USH2A: variants seen among roughly 807,000 people sequenced by gnomAD.
USH2A encodes the protein usherin, also known as Usher syndrome 2A (autosomal recessive, mild).
Under a neutral mutation model 538.9 loss-of-function variants are expected in USH2A, and 443 were observed. That is an observed-to-expected ratio of 0.82 (90% CI 0.76 to 0.89). USH2A has a LOEUF of 0.89. Ranked by LOEUF, USH2A falls within the 40% of genes least tolerant of loss-of-function variation. The probability of loss-of-function intolerance (pLI) is 0.00; values close to 1 mark genes in which losing one functional copy is unlikely to be tolerated. For missense variants in USH2A, 6,633 were observed against 6,324.8 expected (o/e 1.05, Z -1.65); for synonymous variants, 2,413 against 2,273.5 (o/e 1.06, Z -1.75).
chr1:215,675,017 A>G lies in USH2A; in HGVS notation c.12894T>C (p.Tyr4298=), dbSNP rs1413937386. The change falls in exon 63 of 72, where the codon TAT becomes TAC. Residue 4298 remains tyrosine (Y), a synonymous_variant. Coordinates refer to ENST00000307340, the MANE Select transcript of USH2A (RefSeq NM_206933.4). ...AGAGCATTTCATTCCTTTGAAGCCT[A>G]TAGGACTGGATAATACCATTAGACT... ...PEQSNGIIQS[Y]RLQRNEMLYP... 6 of 1,614,094 alleles carry G rather than the reference A, an allele frequency of 3.7e-6. No homozygotes were observed. The African/African-American group carries it at 4.0e-5, about 11-fold the overall frequency.
intron 4 of USH2A, among the ~76,000 whole-genome samples, chr1:216,354,108 T>C (rs1394687293): frequency 4.6e-5 from 7 of 152,156 alleles, no homozygotes; most frequent in Non-Finnish European, 7.4e-5. Flanking sequence ...TATCCACAGA[T>C]ATCTGAAACC....
chr1:215,971,457 G>A (rs1667493114), intron 35 of USH2A, among the ~76,000 whole-genome samples: 1 of 151,928 alleles, frequency 6.6e-6, no homozygotes, highest in African/African-American at 2.4e-5. Context: ...AGTGGCCTAA[G>A]TAAAAAATTC....
intron 4 of USH2A, among the ~76,000 whole-genome samples, chr1:216,328,979 C>T (rs1260475995): frequency 1.3e-5 from 2 of 152,122 alleles, no homozygotes. Flanking sequence ...TATAGGCTCT[C>T]TCTTTCTACC....
Position 215,888,944 on chromosome 1 carries a change from A to G in USH2A, c.7705T>C (p.Tyr2569His), listed in dbSNP as rs766015888. 1 of 1,614,174 alleles carries G rather than the reference A, an allele frequency of 6.2e-7. No homozygotes were observed. Among genetic ancestry groups the G allele is most frequent in the Non-Finnish European group, 8.5e-7 (1 of 1,180,020 alleles). ...CTCAAGTATAGACGGCCATGTAGAT[A>G]AATGTTATAATGGGTAATAACCCCA... is the stretch of plus-strand genomic sequence containing the variant. ...SNGVITHYNI[Y>H]LHGRLYLRTP... Residue 2569 changes from tyrosine (Y) to histidine (H), a missense_variant, in exon 41 of 72, where the codon TAT becomes CAT. Physicochemically the swap from Tyr to His is moderately conservative, Grantham distance 83. Transcript: ENST00000307340.
chr1:215,908,873 T>C lies in USH2A; in HGVS notation c.7301-7968A>G, dbSNP rs75156929. 9.4e-3 allele frequency among the ~76,000 whole-genome samples: 1,428 copies of C among 151,626 alleles called. 24 individuals are homozygous for C. The highest frequency in any genetic ancestry group is 0.033 in the African/African-American group (1,371 of 41,454). On this transcript the variant is annotated intron_variant, in intron 38 of 71. Transcript: ENST00000307340. Reference sequence around the variant, plus strand: ...ACTATTTCAGATATTAGTTGACTAATTGTTTTCCAGAACATTGAATTTATA... The same window carrying C: ...ACTATTTCAGATATTAGTTGACTAACTGTTTTCCAGAACATTGAATTTATA...
chr1:215,950,178 A>ATT (rs1281863886), intron 37 of USH2A, among the ~76,000 whole-genome samples: 3 of 152,162 alleles, frequency 2.0e-5, no homozygotes, highest in African/African-American at 7.2e-5. Context: ...CATATTAAGG[A>ATT]AAAATGTAGA....
chr1:215,816,227 G>A (rs1212773477), intron 48 of USH2A, among the ~76,000 whole-genome samples: 2 of 152,028 alleles, frequency 1.3e-5, no homozygotes. Flanking sequence ...GATGTCAAAT[G>A]TAGGCATAAT....
intron 11 of USH2A, among the ~76,000 whole-genome samples, chr1:216,255,097 T>C (rs2036235442): frequency 6.6e-6 from 1 of 152,198 alleles, no homozygotes; most frequent in Non-Finnish European, 1.5e-5. Flanking sequence ...CTATTCACAG[T>C]TCAAGCCATG....
At position 216,123,659 on chromosome 1, in the gene USH2A, G is replaced by A. The variant is rs1039697856; in HGVS notation, c.4628-26446C>T. Among the ~76,000 whole-genome samples, 2 of 152,112 alleles carry A rather than the reference G, an allele frequency of 1.3e-5. 1 individual carries two copies. The highest frequency in any genetic ancestry group is 4.2e-4 in the South Asian group (2 of 4,808). On this transcript the variant is annotated intron_variant, in intron 21 of 71. Coordinates refer to ENST00000307340, the MANE Select transcript of USH2A (RefSeq NM_206933.4). Reference sequence around the variant, plus strand: ...CACATTATTTGTTTTTAGACCAGTTGCTATAGTTTTATGTACACAATGGAA... The same window carrying A: ...CACATTATTTGTTTTTAGACCAGTTACTATAGTTTTATGTACACAATGGAA...
chr1:215,986,562 T>C (rs866793880), intron 35 of USH2A, among the ~76,000 whole-genome samples: 6 of 152,280 alleles, frequency 3.9e-5, no homozygotes, highest in Middle Eastern at 3.4e-3. Context: ...CTATGTGCTG[T>C]CTTTCATTAG....
chr1:215,927,276 A>G (rs1666260126), intron 38 of USH2A, among the ~76,000 whole-genome samples: 1 of 152,154 alleles, frequency 6.6e-6, no homozygotes, highest in African/African-American at 2.4e-5. Context: ...GAAAAATTCT[A>G]TAATTAGATT....
rs537380652 is a variant in USH2A, at chr1:215,735,085, T to A, written c.11711+6290A>T. Among the ~76,000 whole-genome samples the A allele has an allele frequency of 2.0e-5, 3 of 152,348 alleles. No homozygotes were observed. The East Asian group carries it at 5.8e-4, about 29-fold the overall frequency. ...AATAAAGAAATACCTTGGGAGCAAGTGATTGCAGCATGCAATTTTTCCGAC... is the reference window on the plus strand; with the variant it reads ...AATAAAGAAATACCTTGGGAGCAAGAGATTGCAGCATGCAATTTTTCCGAC... On this transcript the variant is annotated intron_variant, in intron 60 of 71. Coordinates refer to ENST00000307340, the MANE Select transcript of USH2A (RefSeq NM_206933.4).
At chr1:216,148,906 G>C (rs1319079472) in intron 21 of USH2A, among the ~76,000 whole-genome samples, 1 of 151,918 alleles carries the variant, frequency 6.6e-6, no homozygotes, top group East Asian at 1.9e-4. Flanking sequence ...AGGCTGTACT[G>C]CTGCAAAGCT....
Position 215,627,971 on chromosome 1 carries a change from A to G in USH2A, c.15519+843T>C, listed in dbSNP as rs567780676. ...CGCTCAGAGACTGATAATAAATGTTATATCACGAAGAGGTTACCTTTCAAA... is the reference window on the plus strand; with the variant it reads ...CGCTCAGAGACTGATAATAAATGTTGTATCACGAAGAGGTTACCTTTCAAA... On this transcript the variant is annotated intron_variant, in intron 71 of 71. Transcript: ENST00000307340. Among the ~76,000 whole-genome samples the G allele has an allele frequency of 3.3e-5, 5 of 152,288 alleles. No individual in the cohort carries two copies. The East Asian group carries it at 7.7e-4, about 24-fold the overall frequency.
chr1:215,770,173 A>G (rs1284027148), intron 55 of USH2A, among the ~76,000 whole-genome samples: 1 of 152,116 alleles, frequency 6.6e-6, no homozygotes, highest in Non-Finnish European at 1.5e-5. Context: ...TTTAGCGTTG[A>G]CTTCACCTGG....
chr1:215,885,899 C>A (rs1285531931), intron 41 of USH2A, among the ~76,000 whole-genome samples: 3 of 152,188 alleles, frequency 2.0e-5, no homozygotes, highest in African/African-American at 7.2e-5. Flanking sequence ...TTCCATATTT[C>A]TCTACACTCA....
At chr1:215,977,317 C>T (rs1353522192) in intron 35 of USH2A, among the ~76,000 whole-genome samples, 1 of 152,012 alleles carries the variant, frequency 6.6e-6, no homozygotes, top group Non-Finnish European at 1.5e-5. Context: ...CTATTTAGCA[C>T]AATAAACATT....
intron 49 of USH2A, among the ~76,000 whole-genome samples, chr1:215,802,741 CA>C (rs1185030435): frequency 6.6e-6 from 1 of 152,110 alleles, no homozygotes; most frequent in Non-Finnish European, 1.5e-5. Context: ...TATGATCCAG[CA>C]ATTCCACTTC....
chr1:215,688,734 A>G (rs1658510411), intron 61 of USH2A, among the ~76,000 whole-genome samples: 1 of 152,152 alleles, frequency 6.6e-6, no homozygotes, highest in African/African-American at 2.4e-5. Flanking sequence ...CATTAATCCT[A>G]TAGGATGAAG....
Sources: allele counts gnomAD v4.1 joint callset (sites outside exome capture counted in the v4.1 genomes callset), GRCh38; gene constraint gnomAD v4.1.1; transcripts MANE v1.5; gene names NCBI Gene and HGNC (gene_info 2026-07-23, HGNC 2026-07-21).